The following COLEC11 variants were observed in gnomAD, a reference collection of about 807,000 sequenced individuals.
The protein encoded by COLEC11 is collectin subfamily member 11.
In COLEC11, 20 loss-of-function variants were observed where a neutral mutation model predicts 27.3. The observed-to-expected ratio is 0.73, with a 90% CI of 0.51 to 1.06. The LOEUF is 1.06. Ranked by LOEUF, COLEC11 falls within the 50% of genes least tolerant of loss-of-function variation. The pLI, the probability that COLEC11 is intolerant of heterozygous loss-of-function variation, is 0.00. For missense variants in COLEC11, 310 were observed against 383.0 expected, an observed-to-expected ratio of 0.81 and a Z score of 1.59; for synonymous variants, 163 against 154.7, an observed-to-expected ratio of 1.05 and a Z score of -0.40.
chr2:3,617,432 G>A lies in COLEC11; in HGVS notation c.202+4050G>A, dbSNP rs895423400. 8.1e-6 allele frequency: 9 copies of A among 1,107,842 alleles called. No individual in the cohort carries two copies. The East Asian group carries it at 9.5e-5, about 12-fold the overall frequency. The allele number at this position is 1,107,842 out of a possible 1,614,324, so 68.6% of individuals were successfully genotyped here. A position where few individuals can be genotyped will look rare whatever the true frequency, so the allele number is the denominator to read the frequency against. The stretch of plus-strand genomic sequence containing the variant: ...TCTTTGATGTGAAAGGGGCAGCACA[G>A]TCATTTAAACTTGATCCAATCTCTT... On this transcript the variant is annotated intron_variant, in intron 3 of 6. Coordinates refer to ENST00000349077, the MANE Select transcript of COLEC11 (RefSeq NM_024027.5).
In COLEC11 at chr2:3,636,194, AC is replaced by A. The variant is rs1293748746; in HGVS notation, c.203-1338del. On this transcript the variant is annotated intron_variant, in intron 3 of 6. Transcript: ENST00000349077. ...CCACCACCGCCGGGCGCAGTGGCTC[AC>A]GCCGTAATCCCAGCACTTTGGGAGG... Among the ~76,000 whole-genome samples, 3 of 152,154 alleles carry A rather than the reference AC, an allele frequency of 2.0e-5. No individual in the cohort carries two copies. In the South Asian group the frequency reaches 6.2e-4, roughly 32 times the overall value.
Position 3,637,466 on chromosome 2 carries a change from T to C in COLEC11, c.203-67T>C, listed in dbSNP as rs1665509379. ...AGGGCGGTCGGGTTATCCGTGCACG[T>C]GTGTGATGGAGGAGGCCACGGTGTC... On this transcript the variant is annotated intron_variant, in intron 3 of 6. Coordinates refer to ENST00000349077, the MANE Select transcript of COLEC11 (RefSeq NM_024027.5). The C allele has an allele frequency of 8.1e-6, 10 of 1,228,908 alleles. No homozygotes were observed. In the South Asian group the frequency reaches 1.1e-4, roughly 13 times the overall value. The allele number at this position is 1,228,908 out of a possible 1,614,324, so 76.1% of individuals were successfully genotyped here.
At chr2:3,627,562 TGAC>T (rs1178189395) in intron 3 of COLEC11, among the ~76,000 whole-genome samples, 5 of 150,390 alleles carry the variant, frequency 3.3e-5, no homozygotes, top group Non-Finnish European at 4.4e-5. Flanking sequence ...CTGGGCATGA[TGAC>T]GGTCTGCATC....
intron 1 of COLEC11, among the ~76,000 whole-genome samples, chr2:3,595,772 G>A (rs1414002970): frequency 1.3e-5 from 2 of 152,200 alleles, no homozygotes; most frequent in Admixed American, 6.5e-5. Context: ...TCCTAGGGCC[G>A]CTGCCTCCTA....
rs775253803 is a variant in COLEC11 at position 3,604,421 on chromosome 2, G to A, written c.81G>A (p.Pro27=). The A allele has an allele frequency of 9.9e-6, 16 of 1,614,200 alleles. No individual in the cohort carries two copies. Among genetic ancestry groups the A allele is most frequent in the East Asian group, 2.2e-5 (1 of 44,874 alleles). The change falls in exon 2 of 7, where the codon CCG becomes CCA. Residue 27 remains proline, a synonymous_variant. Coordinates refer to ENST00000349077, the MANE Select transcript of COLEC11 (RefSeq NM_024027.5). ...TGCTGCCATCTGGACATCCTCAGCC[G>A]GCTGGCGATGACGCCTGCTCTGTGC... ...LSLLPSGHPQ[P]AGDDACSVQI... is the part of the protein sequence containing the mutation.
intron 1 of COLEC11, among the ~76,000 whole-genome samples, chr2:3,596,524 GA>G (rs1661850988): frequency 6.6e-6 from 1 of 152,022 alleles, no homozygotes; most frequent in Non-Finnish European, 1.5e-5. Context: ...TTTTAGTGGA[GA>G]GGGGGGTTTC....
chr2:3,603,940 A>C, intron 1 of COLEC11: 1 of 572,058 alleles, frequency 1.7e-6, no homozygotes, highest in African/African-American at 1.9e-5. Flanking sequence ...CGCTGTGCCC[A>C]GCTCTGCAGA....
intron 3 of COLEC11, among the ~76,000 whole-genome samples, chr2:3,624,049 G>A (rs907919129): frequency 6.6e-6 from 1 of 152,108 alleles, no homozygotes; most frequent in African/African-American, 2.4e-5. Flanking sequence ...CACACCTTTT[G>A]CTTCTCTTGG....
At chr2:3,643,241 G>A (rs1056163353) in intron 5 of COLEC11, among the ~76,000 whole-genome samples, 3 of 152,110 alleles carry the variant, frequency 2.0e-5, no homozygotes, top group African/African-American at 7.2e-5. Context: ...AAATACATGT[G>A]TCTGCCCTCC....
chr2:3,629,588 A>G (rs928531072), intron 3 of COLEC11, among the ~76,000 whole-genome samples: 1 of 152,184 alleles, frequency 6.6e-6, no homozygotes, highest in African/African-American at 2.4e-5. Context: ...GCATATGTAT[A>G]TGTACCTGTG....
At chr2:3,601,344 C>T (rs907578047) in intron 1 of COLEC11, among the ~76,000 whole-genome samples, 10 of 152,016 alleles carry the variant, frequency 6.6e-5, no homozygotes, top group African/African-American at 1.9e-4. Flanking sequence ...TCTGACTGCC[C>T]GGGTTGGAGT....
chr2:3,610,880 C>T (rs1173104499), intron 2 of COLEC11, among the ~76,000 whole-genome samples: 1 of 152,158 alleles, frequency 6.6e-6, no homozygotes, highest in East Asian at 1.9e-4. Flanking sequence ...ATTCTTATGT[C>T]CATCTGATTC....
At chr2:3,639,172 A>G (rs1453916887) in intron 4 of COLEC11, among the ~76,000 whole-genome samples, 1 of 152,252 alleles carries the variant, frequency 6.6e-6, no homozygotes, top group Non-Finnish European at 1.5e-5. Flanking sequence ...ATTCCACCAT[A>G]TGGATGGACC....
intron 1 of COLEC11, chr2:3,601,881 G>A (rs1045188545): frequency 1.1e-4 from 17 of 152,148 alleles, no homozygotes; most frequent in Admixed American, 3.3e-4. Context: ...CTTTTTGTCT[G>A]TGACCATTGG....
In COLEC11 at chr2:3,633,262, C is replaced by T. The variant is rs141429799; in HGVS notation, c.203-4271C>T. Among the ~76,000 whole-genome samples, 20 of 152,332 alleles carry T rather than the reference C, an allele frequency of 1.3e-4. No homozygotes were observed. The East Asian group carries it at 3.9e-3, about 29-fold the overall frequency. Reference sequence around the variant, plus strand: ...CTGGGCACAGATGCACTTGGGGAGGCTCCTCCCATCTTCGGGAAAGACTTA... The same window carrying T: ...CTGGGCACAGATGCACTTGGGGAGGTTCCTCCCATCTTCGGGAAAGACTTA... On this transcript the variant is annotated intron_variant, in intron 3 of 6. Transcript: ENST00000349077.
At chr2:3,638,868 G>A (rs918142366) in intron 4 of COLEC11, among the ~76,000 whole-genome samples, 5 of 152,168 alleles carry the variant, frequency 3.3e-5, no homozygotes, top group Admixed American at 6.5e-5. Flanking sequence ...ACAATTCAGG[G>A]ACATTGAGTA....
In COLEC11 at chr2:3,624,380, C is replaced by A. The variant is rs555691645; in HGVS notation, c.202+10998C>A. ...TTGGGGGGCTTCCTAATAAAATCTG[C>A]AGAGCAATTATTAGGGTCCATAGCC... On this transcript the variant is annotated intron_variant, in intron 3 of 6. Transcript: ENST00000349077. Among the ~76,000 whole-genome samples the A allele has an allele frequency of 3.3e-5, 5 of 152,312 alleles. No homozygotes were observed. The South Asian group carries it at 1.0e-3, about 32-fold the overall frequency.
At position 3,604,437 on chromosome 2, in the gene COLEC11, T is replaced by C; in HGVS notation, c.97T>C (p.Cys33Arg). ...GHPQPAGDDA[C>R]SVQILVPGLK... Reference sequence around the variant, plus strand: ...TCCTCAGCCGGCTGGCGATGACGCCTGCTCTGTGCAGATCCTCGTCCCTGG... The same window carrying C: ...TCCTCAGCCGGCTGGCGATGACGCCCGCTCTGTGCAGATCCTCGTCCCTGG... Residue 33 changes from cysteine (C) to arginine (R), a missense_variant, in exon 2 of 7, where the codon TGC becomes CGC. Cys to Arg is a radical substitution (Grantham distance 180). Transcript: ENST00000349077. 6.2e-7 allele frequency: 1 copy of C among 1,614,244 alleles called. No homozygotes were observed. The highest frequency in any genetic ancestry group is 8.5e-7 in the Non-Finnish European group (1 of 1,180,042).
chr2:3,615,901 GC>G (rs1459538984), intron 3 of COLEC11, among the ~76,000 whole-genome samples: 84 of 134,618 alleles, frequency 6.2e-4, no homozygotes, highest in Non-Finnish European at 1.2e-3. Flanking sequence ...GGCGGGGGCT[GC>G]CCCCCACCTC....
Sources: gnomAD v4.1 joint callset for allele counts (sites outside exome capture counted in the v4.1 genomes callset) on GRCh38, gnomAD v4.1.1 for gene constraint, MANE v1.5 for transcripts, NCBI Gene and HGNC (gene_info 2026-07-23, HGNC 2026-07-21) for gene names.